Variants in ZNF644 observed in about 807,000 individuals in gnomAD.
ZNF644 encodes zinc finger motif enhancer binding protein 2.
Under a neutral mutation model 108.0 loss-of-function variants are expected in ZNF644, and 20 were observed. That is an observed-to-expected ratio of 0.19 (90% confidence interval 0.13 to 0.27). The LOEUF (loss-of-function observed/expected upper bound fraction) is 0.27, where lower values mean the gene tolerates loss of function less well. ZNF644 is among the 10% of genes least tolerant of loss of function. ZNF644 has a pLI of 1.00. For missense variants in ZNF644, 1,338 were observed against 1,548.9 expected (o/e 0.86, Z 2.29); for synonymous variants, 542 against 539.1 (o/e 1.01, Z -0.08).
chr1:90,994,546 C>A (rs2101615758), intron 1 of ZNF644, among the ~76,000 whole-genome samples: 1 of 152,208 alleles, frequency 6.6e-6, no homozygotes, highest in Non-Finnish European at 1.5e-5. Context: ...ACAGAGAAGA[C>A]CTGAAGGGAT....
intron 1 of ZNF644, among the ~76,000 whole-genome samples, chr1:90,998,170 C>T (rs114460080): frequency 0.14 from 20,624 of 152,204 alleles, 1,444 homozygotes; most frequent in South Asian, 0.16. Context: ...GACTTAAATG[C>T]CCTTGTCTGA....
intron 1 of ZNF644, among the ~76,000 whole-genome samples, chr1:91,007,230 T>TG: frequency 7.6e-6 from 1 of 131,016 alleles, no homozygotes; most frequent in East Asian, 2.3e-4. Flanking sequence ...ATTTTGTTTT[T>TG]TTTTTTTTTT....
intron 2 of ZNF644, among the ~76,000 whole-genome samples, chr1:90,950,804 CAA>C (rs1653079985): frequency 6.6e-6 from 1 of 152,176 alleles, no homozygotes; most frequent in South Asian, 2.1e-4. Context: ...ACAGACTTCT[CAA>C]AGAGTATGCA....
chr1:90,916,781 TAA>T lies in ZNF644; in HGVS notation c.*15_*16del. ...TTACATCCAATTCAAACTGGCTATT[TAA>T]AAGGTTTCCTGGTTCTATGAAGCTG... On this transcript the variant is annotated 3_prime_UTR_variant, in exon 6 of 6. Transcript: ENST00000337393. 1 of 1,613,862 alleles carries T rather than the reference TAA, an allele frequency of 6.2e-7. No homozygotes were observed.
rs137894516 is a variant in ZNF644 at position 90,953,057 on chromosome 1, C to T, written c.45-11748G>A. 2.6e-3 allele frequency among the ~76,000 whole-genome samples: 380 copies of T among 148,692 alleles called. 1 individual carries two copies. Among genetic ancestry groups the T allele is most frequent in the South Asian group, 0.013 (62 of 4,710 alleles). The stretch of plus-strand genomic sequence containing the variant: ...CAGCTCCCGATGTCCAAGAGCTAAT[C>T]TCATGCTATCAGACTATCTGATGTT... On this transcript the variant is annotated intron_variant, in intron 2 of 5. Transcript: ENST00000337393.
In ZNF644 at chr1:90,939,237, T is replaced by G. The variant is rs1268020125; in HGVS notation, c.2117A>C (p.His706Pro). ...GCTGCTTTTAATTGTAACATTCTTA[T>G]GAGGAGAGCTGTTTTGATTGCACAT... ...VNMCNQNSSP[H>P]KNVTIKSSVD... The change falls in exon 3 of 6, where the codon CAT (histidine) becomes CCT (proline). Residue 706 changes from histidine (H) to proline (P), a missense_variant. This residue lies in a region of ZNF644 where 462 missense variants were observed against 472.6 expected (regional missense o/e 0.98). Transcript: ENST00000337393. The G allele has an allele frequency of 2.5e-6, 4 of 1,614,082 alleles. No homozygotes were observed. The South Asian group carries it at 3.3e-5, about 13-fold the overall frequency.
chr1:90,963,555 A>G (rs1484894956), intron 2 of ZNF644, among the ~76,000 whole-genome samples: 1 of 152,160 alleles, frequency 6.6e-6, no homozygotes, highest in African/African-American at 2.4e-5. Flanking sequence ...AGCATTATTC[A>G]GCCCAAACCT....
chr1:90,949,973 T>C (rs548483391), intron 2 of ZNF644, among the ~76,000 whole-genome samples: 13 of 152,134 alleles, frequency 8.5e-5, no homozygotes, highest in Non-Finnish European at 1.8e-4. Context: ...TGTTCATTTA[T>C]TGATTCAAAA....
At chr1:91,012,106 TG>T (rs1660006161) in intron 1 of ZNF644, among the ~76,000 whole-genome samples, 1 of 151,860 alleles carries the variant, frequency 6.6e-6, no homozygotes, top group Non-Finnish European at 1.5e-5. Context: ...ATTTTGTCAC[TG>T]GGGGGAAAAA....
intron 1 of ZNF644, among the ~76,000 whole-genome samples, chr1:90,986,343 C>T (rs1429369990): frequency 6.6e-6 from 1 of 151,410 alleles, no homozygotes. Context: ...AAAAAAACCT[C>T]ATAAGGTCAT....
intron 2 of ZNF644, among the ~76,000 whole-genome samples, chr1:90,978,177 C>T (rs1327971826): frequency 6.6e-6 from 1 of 151,848 alleles, no homozygotes; most frequent in Admixed American, 6.6e-5. Flanking sequence ...CACAGTGAAA[C>T]CCCATCTCTA....
At position 90,940,207 on chromosome 1, in the gene ZNF644, G is replaced by C; in HGVS notation, c.1147C>G (p.Leu383Val). 1 of 1,614,014 alleles carries C rather than the reference G, an allele frequency of 6.2e-7. No individual in the cohort carries two copies. ...CATTTCTTTTTTAAGGTATTTGAAA[G>C]AAAAGTGCTAGTATGAACAGGTGAA... ...ESSPVHTSTF[L>V]SNTLKKKCEE... The change falls in exon 3 of 6, where the codon CTT (leucine) becomes GTT (valine). Residue 383 changes from leucine to valine, a missense_variant. Around this residue, in one of 6 missense-constraint regions of ZNF644, gnomAD observed 464 missense variants for 457.9 expected, o/e 1.01. Transcript: ENST00000337393.
At chr1:90,952,113 G>C (rs1004665328) in intron 2 of ZNF644, among the ~76,000 whole-genome samples, 14 of 152,034 alleles carry the variant, frequency 9.2e-5, no homozygotes, top group African/African-American at 2.4e-5. Flanking sequence ...GAAATGAAAA[G>C]GTCATCAACA....
intron 2 of ZNF644, among the ~76,000 whole-genome samples, chr1:90,973,658 G>C (rs1655721285): frequency 1.3e-5 from 2 of 151,930 alleles, no homozygotes; most frequent in African/African-American, 4.8e-5. Context: ...TTTTGTTTAA[G>C]AAAACATATA....
In ZNF644 at chr1:90,933,881, GTTCT is replaced by G. The variant is rs536784352; in HGVS notation, c.3688+3600_3688+3603del. ...AACTGTGTAAGTTTGAGCAAATTAAGTTCTTTAAGTCCTAGTTTCCTATAAAACG... is the reference window on the plus strand; with the variant it reads ...AACTGTGTAAGTTTGAGCAAATTAAGTTAAGTCCTAGTTTCCTATAAAACG... On this transcript the variant is annotated intron_variant, in intron 4 of 5. Coordinates refer to ENST00000337393, the MANE Select transcript of ZNF644 (RefSeq NM_201269.3). Among the ~76,000 whole-genome samples, 176 of 152,262 alleles carry G rather than the reference GTTCT, an allele frequency of 1.2e-3. 1 individual carries two copies. In the Middle Eastern group the frequency reaches 0.017, roughly 15 times the overall value.
chr1:91,011,481 A>G lies in ZNF644; in HGVS notation c.-18+10509T>C, dbSNP rs145656665. On this transcript the variant is annotated intron_variant, in intron 1 of 5. Transcript: ENST00000337393. ...ATACCCATTTCAGAAAAAATTCTTT[A>G]TCTGCAAAGCACCAATTTAATACTG... is the stretch of plus-strand genomic sequence containing the variant. Among the ~76,000 whole-genome samples, 393 of 152,314 alleles carry G rather than the reference A, an allele frequency of 2.6e-3. 2 individuals are homozygous for G. Among genetic ancestry groups the G allele is most frequent in the Non-Finnish European group, 4.1e-3 (278 of 68,004 alleles).
At chr1:91,010,838 T>C (rs1048935765) in intron 1 of ZNF644, among the ~76,000 whole-genome samples, 4 of 152,238 alleles carry the variant, frequency 2.6e-5, no homozygotes, top group Admixed American at 6.5e-5. Flanking sequence ...ATAAAAGTTA[T>C]GAAAATTGGG....
intron 4 of ZNF644, among the ~76,000 whole-genome samples, chr1:90,924,317 G>C (rs1253475756): frequency 6.6e-6 from 1 of 152,056 alleles, no homozygotes; most frequent in African/African-American, 2.4e-5. Context: ...AAGCAAAATA[G>C]GCATTAGCCA....
intron 2 of ZNF644, among the ~76,000 whole-genome samples, chr1:90,949,947 C>T (rs1256482407): frequency 2.0e-5 from 3 of 151,984 alleles, no homozygotes; most frequent in African/African-American, 7.2e-5. Context: ...AAACACCGTT[C>T]CTGAATCCTT....
Sources: gnomAD v4.1 joint callset for allele counts (sites outside exome capture counted in the v4.1 genomes callset) on GRCh38, gnomAD v4.1.1 for gene constraint, gnomAD v4.1.1 regional missense constraint, MANE v1.5 for transcripts, NCBI Gene and HGNC (gene_info 2026-07-23, HGNC 2026-07-21) for gene names.